Variants in MYT1L observed in about 807,000 individuals in gnomAD.
The protein encoded by MYT1L is myelin transcription factor 1 like.
A neutral mutation model predicts 126.7 loss-of-function variants in MYT1L; 12 were observed. The ratio of observed to expected loss-of-function variants is 0.09; its 90% CI spans 0.06 to 0.15. MYT1L has a LOEUF of 0.15. MYT1L is among the 10% of genes least tolerant of loss of function. The pLI is 1.00. For synonymous variants in MYT1L, 541 were observed against 604.2 expected, an observed-to-expected ratio of 0.90 and a Z score of 1.53; for missense variants, 979 against 1,585.2, an observed-to-expected ratio of 0.62 and a Z score of 6.49.
At chr2:1,885,940 C>T (rs924477861) in intron 18 of MYT1L, among the ~76,000 whole-genome samples, 1 of 152,138 alleles carries the variant, frequency 6.6e-6, no homozygotes, top group Non-Finnish European at 1.5e-5. Context: ...AGGTATTTCA[C>T]CAATTTGCCA....
In MYT1L at chr2:1,974,002, C is replaced by T. The variant is rs1214269096; in HGVS notation, c.152+5163G>A. 2.0e-5 allele frequency among the ~76,000 whole-genome samples: 3 copies of T among 152,194 alleles called. No individual in the cohort carries two copies. In the East Asian group the frequency reaches 5.8e-4, roughly 29 times the overall value. ...TCAAGGTTGGTGACTTCCTAGTAGG[C>T]CACTGTTTTCCTTCCATCTATCCAC... On this transcript the variant is annotated intron_variant, in intron 8 of 24. Transcript: ENST00000647738.
At chr2:1,839,052 C>T (rs1007810627) in intron 21 of MYT1L, 97 bp downstream of exon 21, 29 of 1,058,356 alleles carry the variant, frequency 2.7e-5, no homozygotes, top group South Asian at 2.3e-4. Flanking sequence ...ACACAGGTGA[C>T]GGGAGAAGCT....
At chr2:2,106,999 C>A (rs1020956599) in intron 3 of MYT1L, among the ~76,000 whole-genome samples, 9 of 152,132 alleles carry the variant, frequency 5.9e-5, no homozygotes, top group African/African-American at 1.9e-4. Context: ...GGTTAGTTAA[C>A]CTTCCAGAGC....
chr2:1,931,085 C>G (rs1454378667), intron 9 of MYT1L, among the ~76,000 whole-genome samples: 1 of 152,194 alleles, frequency 6.6e-6, no homozygotes, highest in Non-Finnish European at 1.5e-5. Flanking sequence ...GGAAAATGGC[C>G]TGTCATGGCC....
intron 4 of MYT1L, among the ~76,000 whole-genome samples, chr2:2,049,938 C>A (rs894106240): frequency 2.0e-5 from 3 of 151,268 alleles, no homozygotes; most frequent in Admixed American, 6.6e-5. Context: ...TGAAAATAAA[C>A]TTATATACGT....
chr2:1,804,823 T>G (rs1464102882), intron 22 of MYT1L, among the ~76,000 whole-genome samples: 2 of 152,222 alleles, frequency 1.3e-5, no homozygotes, highest in Non-Finnish European at 2.9e-5. Context: ...GTGAAGTTCC[T>G]GACAAAGCGC....
chr2:2,298,560 G>A (rs1573327268), intron 1 of MYT1L, among the ~76,000 whole-genome samples: 1 of 152,216 alleles, frequency 6.6e-6, no homozygotes, highest in African/African-American at 2.4e-5. Flanking sequence ...AATACGTAAT[G>A]TGATAAATAA....
At position 1,943,810 on chromosome 2, in the gene MYT1L, A is replaced by AT. The variant is rs2056929338; in HGVS notation, c.153-477dup. Among the ~76,000 whole-genome samples, 1 of 152,188 alleles carries AT rather than the reference A, an allele frequency of 6.6e-6. No individual in the cohort carries two copies. The highest frequency in any genetic ancestry group is 6.5e-5 in the Admixed American group (1 of 15,286). On this transcript the variant is annotated intron_variant, in intron 8 of 24. Transcript: ENST00000647738. The surrounding 1 kb of genome is among the most constrained non-coding windows in gnomAD (Gnocchi z 4.4). ...TCTATGTCGTGAAAGAGCTTTGGAT[A>AT]TATTTGGATTTGTATATTTTATGGA... is the stretch of plus-strand genomic sequence containing the variant.
At chr2:2,299,043 A>G (rs768138733) in intron 1 of MYT1L, among the ~76,000 whole-genome samples, 4 of 152,096 alleles carry the variant, frequency 2.6e-5, no homozygotes, top group Admixed American at 1.3e-4. Flanking sequence ...TAGTAGAGAC[A>G]GGGTTTCACC....
rs1033647466 is a variant in MYT1L at position 2,275,477 on chromosome 2, C to G, written c.-421+8927G>C. Among the ~76,000 whole-genome samples the G allele has an allele frequency of 2.0e-4, 30 of 152,002 alleles. 1 individual carries two copies. Among genetic ancestry groups the G allele is most frequent in the Admixed American group, 2.0e-3 (30 of 15,254 alleles). ...TATGACATGCTGAGCCCCAGTGCCC[C>G]CAGTTGGGCGATTTGGATGCTGTTG... On this transcript the variant is annotated intron_variant, in intron 2 of 24. Transcript: ENST00000647738.
chr2:2,289,354 C>T (rs931595261), intron 1 of MYT1L, among the ~76,000 whole-genome samples: 1 of 152,164 alleles, frequency 6.6e-6, no homozygotes, highest in African/African-American at 2.4e-5. Context: ...TTCAAGCATA[C>T]TAGTAGTATA....
chr2:1,925,467 C>T (rs2054103517), intron 9 of MYT1L, among the ~76,000 whole-genome samples: 2 of 152,224 alleles, frequency 1.3e-5, no homozygotes, highest in Non-Finnish European at 2.9e-5. Flanking sequence ...CCTACATTCT[C>T]CCTTCAGCAG....
chr2:2,099,770 T>C (rs2077843611), intron 3 of MYT1L, among the ~76,000 whole-genome samples: 1 of 152,230 alleles, frequency 6.6e-6, no homozygotes, highest in Non-Finnish European at 1.5e-5. Context: ...GCAAGTCAAA[T>C]AGTACAGCCA....
chr2:1,914,114 C>T (rs1456123886), intron 11 of MYT1L, among the ~76,000 whole-genome samples: 2 of 151,980 alleles, frequency 1.3e-5, no homozygotes, highest in African/African-American at 4.8e-5. Context: ...ATTAGCCAGC[C>T]GTGGTGGCAT....
chr2:1,799,856 T>C (rs1056966091), intron 23 of MYT1L, among the ~76,000 whole-genome samples: 6 of 152,172 alleles, frequency 3.9e-5, no homozygotes, highest in South Asian at 2.1e-4. Flanking sequence ...GTCCTCATGA[T>C]AGTGAGTGAG....
chr2:2,299,678 G>A (rs533150465), intron 1 of MYT1L, among the ~76,000 whole-genome samples: 11 of 152,264 alleles, frequency 7.2e-5, no homozygotes, highest in Middle Eastern at 3.4e-3. Flanking sequence ...TCAAGCACCC[G>A]AACTGTTAAT....
chr2:2,232,931 C>T (rs189488544), intron 2 of MYT1L, among the ~76,000 whole-genome samples: 26 of 152,278 alleles, frequency 1.7e-4, no homozygotes, highest in African/African-American at 6.0e-4. Flanking sequence ...TTTCTTATCA[C>T]TCTGGACCTT....
intron 1 of MYT1L, among the ~76,000 whole-genome samples, chr2:2,291,738 G>A (rs1453742478): frequency 6.6e-6 from 1 of 152,228 alleles, no homozygotes; most frequent in African/African-American, 2.4e-5. Flanking sequence ...TGCAGGCGCC[G>A]AGCCAGCCTG....
intron 3 of MYT1L, among the ~76,000 whole-genome samples, chr2:2,127,556 G>A (rs748766804): frequency 6.6e-6 from 1 of 152,172 alleles, no homozygotes; most frequent in Non-Finnish European, 1.5e-5. Flanking sequence ...ACTCCAGAAT[G>A]TTCCCCTACA....
Sources: allele counts gnomAD v4.1 joint callset (sites outside exome capture counted in the v4.1 genomes callset), GRCh38; gene constraint gnomAD v4.1.1; non-coding constraint Gnocchi (gnomAD v3.1); transcripts MANE v1.5; gene names NCBI Gene and HGNC (gene_info 2026-07-23, HGNC 2026-07-21).